Variants in SLC10A7 observed in about 807,000 individuals in gnomAD.
The protein encoded by SLC10A7 is sodium/bile acid cotransporter 7.
Under a neutral mutation model 43.2 loss-of-function variants are expected in SLC10A7, and 29 were observed. The observed-to-expected ratio is 0.67, with a 90% CI of 0.50 to 0.92. SLC10A7 has a LOEUF of 0.92. Among genes scored for constraint, SLC10A7 ranks in the 40% least tolerant of loss-of-function variants. The pLI is 0.00. For missense variants in SLC10A7, 295 were observed against 403.2 expected (o/e 0.73, Z 2.30); for synonymous variants, 152 against 144.8 (o/e 1.05, Z -0.35).
intron 4 of SLC10A7, among the ~76,000 whole-genome samples, chr4:146,476,077 A>T (rs1560945821): frequency 6.6e-6 from 1 of 152,220 alleles, no homozygotes; most frequent in Non-Finnish European, 1.5e-5. Context: ...TAGGATGAAG[A>T]AACAGAATTA....
At chr4:146,278,090 A>G (rs1729322097) in intron 10 of SLC10A7, among the ~76,000 whole-genome samples, 1 of 152,174 alleles carries the variant, frequency 6.6e-6, no homozygotes, top group African/African-American at 2.4e-5. Flanking sequence ...GTGTTTTCAT[A>G]TCCTATAATC....
intron 7 of SLC10A7, among the ~76,000 whole-genome samples, chr4:146,295,491 T>C (rs921385238): frequency 6.6e-6 from 1 of 152,326 alleles, no homozygotes; most frequent in South Asian, 2.1e-4. Flanking sequence ...AGCATCCATT[T>C]CTTTCTTTAA....
chr4:146,355,207 C>T (rs1333834235), intron 5 of SLC10A7, among the ~76,000 whole-genome samples: 21 of 151,964 alleles, frequency 1.4e-4, no homozygotes, highest in African/African-American at 4.4e-4. Flanking sequence ...AAACAATCAA[C>T]CCCATCAAAA....
chr4:146,397,459 T>C (rs1738914548), intron 5 of SLC10A7, among the ~76,000 whole-genome samples: 1 of 152,184 alleles, frequency 6.6e-6, no homozygotes, highest in African/African-American at 2.4e-5. Context: ...CTGGTAACCT[T>C]TCTCATTTGT....
At chr4:146,467,935 C>G (rs1733196818) in intron 4 of SLC10A7, among the ~76,000 whole-genome samples, 1 of 152,040 alleles carries the variant, frequency 6.6e-6, no homozygotes, top group Non-Finnish European at 1.5e-5. Context: ...ACACAGCACC[C>G]TGTACAAGGA....
chr4:146,497,763 A>G (rs1736024743), intron 4 of SLC10A7, among the ~76,000 whole-genome samples: 2 of 152,154 alleles, frequency 1.3e-5, no homozygotes, highest in Admixed American at 6.5e-5. Context: ...CTCTCCAAAC[A>G]TAGGGGAATA....
At chr4:146,443,309 C>CA (rs1730757621) in intron 4 of SLC10A7, among the ~76,000 whole-genome samples, 1 of 152,028 alleles carries the variant, frequency 6.6e-6, no homozygotes, top group Non-Finnish European at 1.5e-5. Context: ...GAAATATGAA[C>CA]AATGCTGTTA....
intron 5 of SLC10A7, among the ~76,000 whole-genome samples, chr4:146,433,951 T>C (rs1729997224): frequency 6.6e-6 from 1 of 152,162 alleles, no homozygotes; most frequent in East Asian, 1.9e-4. Context: ...ATTTACATTA[T>C]CCTTAAAAGA....
chr4:146,283,066 G>C (rs1015185749), intron 10 of SLC10A7, 126 bp downstream of exon 10: 27 of 701,494 alleles, frequency 3.8e-5, no homozygotes, highest in African/African-American at 7.2e-5. Flanking sequence ...CTTTGCTACT[G>C]TTCCTTATCT....
chr4:146,315,914 T>C (rs1336813848), intron 6 of SLC10A7, among the ~76,000 whole-genome samples: 1 of 152,158 alleles, frequency 6.6e-6, no homozygotes, highest in Non-Finnish European at 1.5e-5. Flanking sequence ...ATTCTAATCA[T>C]TCATTACTCA....
chr4:146,505,132 A>C (rs1334064258), intron 3 of SLC10A7, among the ~76,000 whole-genome samples: 1 of 152,170 alleles, frequency 6.6e-6, no homozygotes, highest in Non-Finnish European at 1.5e-5. Context: ...TTGGCCATTT[A>C]ACAACATGGA....
chr4:146,520,534 C>A (rs1191362619), intron 1 of SLC10A7, among the ~76,000 whole-genome samples: 2 of 152,184 alleles, frequency 1.3e-5, no homozygotes, highest in African/African-American at 4.8e-5. Context: ...TACTTCTAAA[C>A]AGAGTAATGG....
intron 2 of SLC10A7, 110 bp from the exon 3 acceptor site, chr4:146,510,159 A>T (rs1737321346): frequency 9.9e-7 from 1 of 1,012,070 alleles, no homozygotes; most frequent in Non-Finnish European, 1.4e-6. Flanking sequence ...GGGTTTTTTC[A>T]TAGCTAAAAT....
chr4:146,326,995 G>A (rs755868364), intron 5 of SLC10A7, among the ~76,000 whole-genome samples: 1 of 140,494 alleles, frequency 7.1e-6, no homozygotes, highest in Admixed American at 7.2e-5. Context: ...GAGAGAGAGA[G>A]ACAGATAGAC....
At chr4:146,307,487 G>A (rs1731660958) in intron 6 of SLC10A7, among the ~76,000 whole-genome samples, 1 of 152,114 alleles carries the variant, frequency 6.6e-6, no homozygotes, top group African/African-American at 2.4e-5. Context: ...CTATTTTAAA[G>A]CAACTATGTC....
intron 5 of SLC10A7, among the ~76,000 whole-genome samples, chr4:146,374,659 CACAT>C (rs761116446): frequency 0.1 from 11,606 of 115,390 alleles, 400 homozygotes; most frequent in African/African-American, 0.13. Flanking sequence ...CACACACACA[CACAT>C]ATATATATAT....
chr4:146,482,296 A>G (rs1734546281), intron 4 of SLC10A7, among the ~76,000 whole-genome samples: 2 of 152,224 alleles, frequency 1.3e-5, no homozygotes, highest in African/African-American at 4.8e-5. Context: ...AATTATCTGA[A>G]GAGGAATTTA....
intron 9 of SLC10A7, among the ~76,000 whole-genome samples, chr4:146,289,031 TTCTG>T (rs995689475): frequency 1.3e-5 from 2 of 152,328 alleles, no homozygotes; most frequent in Admixed American, 1.3e-4. Flanking sequence ...TTTGAGATAC[TTCTG>T]TCTAAGCCCA....
chr4:146,280,066 T>C (rs1560757414), intron 10 of SLC10A7, among the ~76,000 whole-genome samples: 1 of 152,146 alleles, frequency 6.6e-6, no homozygotes, highest in East Asian at 1.9e-4. Flanking sequence ...AGTTACATGG[T>C]TGCCTCTTGG....
Sources: allele counts gnomAD v4.1 joint callset (sites outside exome capture counted in the v4.1 genomes callset), GRCh38; gene constraint gnomAD v4.1.1; transcripts MANE v1.5; gene names NCBI Gene and HGNC (gene_info 2026-07-23, HGNC 2026-07-21).